The following TIA1 variants were observed in gnomAD, a reference collection of about 807,000 sequenced individuals.
TIA1 encodes the protein TIA1 cytotoxic granule associated RNA binding protein, also known as cytotoxic granule associated RNA binding protein TIA1.
Under a neutral mutation model 65.9 loss-of-function variants are expected in TIA1, and 23 were observed. The ratio of observed to expected loss-of-function variants is 0.35; its 90% CI spans 0.25 to 0.49. The LOEUF is 0.49. TIA1 is among the 20% of genes least tolerant of loss of function. The pLI is 0.98. For missense variants in TIA1, 371 were observed against 477.9 expected (o/e 0.78, Z 2.09); for synonymous variants, 147 against 149.4 (o/e 0.98, Z 0.12).
chr2:70,227,267 G>GTT (rs547641168), intron 6 of TIA1, among the ~76,000 whole-genome samples: 1 of 152,086 alleles, frequency 6.6e-6, no homozygotes, highest in South Asian at 2.1e-4. Context: ...ATTGTTAGCA[G>GTT]TTTTTTTAAA....
At chr2:70,245,549 A>C (rs1030992165) in intron 1 of TIA1, among the ~76,000 whole-genome samples, 1 of 152,214 alleles carries the variant, frequency 6.6e-6, no homozygotes. Context: ...CAGACTCACT[A>C]TACACGTATT....
At chr2:70,226,205 A>T (rs1278560975) in intron 6 of TIA1, among the ~76,000 whole-genome samples, 1 of 152,154 alleles carries the variant, frequency 6.6e-6, no homozygotes, top group Non-Finnish European at 1.5e-5. Flanking sequence ...TCTACAGACT[A>T]AAAATATGAC....
chr2:70,243,260 T>C (rs1484199062), intron 1 of TIA1, among the ~76,000 whole-genome samples: 1 of 152,116 alleles, frequency 6.6e-6, no homozygotes, highest in Non-Finnish European at 1.5e-5. Context: ...ATCGCTTCTC[T>C]ACAAATATTT....
At chr2:70,215,599 G>A (rs971845256) in intron 10 of TIA1, 105 bp from the exon 11 acceptor site, 20 of 1,006,668 alleles carry the variant, frequency 2.0e-5, no homozygotes, top group East Asian at 1.4e-4. Flanking sequence ...AACAGTTTGC[G>A]TAACATGGCA....
At chr2:70,245,914 A>AT (rs199977940) in intron 1 of TIA1, among the ~76,000 whole-genome samples, 2,177 of 124,550 alleles carry the variant, frequency 0.017, 143 homozygotes, top group African/African-American at 0.033. Flanking sequence ...ATTCTACCAG[A>AT]TTTTTTTTTT....
intron 1 of TIA1, among the ~76,000 whole-genome samples, chr2:70,241,526 T>G (rs913252208): frequency 2.6e-5 from 4 of 152,200 alleles, no homozygotes; most frequent in Non-Finnish European, 4.4e-5. Flanking sequence ...CTCCAGGAAG[T>G]GTAACTTAAT....
chr2:70,216,569 A>G, intron 8 of TIA1, 70 bp from the exon 9 acceptor site: 1 of 1,430,602 alleles, frequency 7.0e-7, no homozygotes, highest in Non-Finnish European at 9.7e-7. Context: ...AGTAGCATTC[A>G]CTACACTACT....
Position 70,227,815 on chromosome 2 carries a change from G to A in TIA1, c.318C>T (p.Phe106=), listed in dbSNP as rs770120862. Residue 106 remains phenylalanine, a synonymous_variant, in exon 6 of 13, where the codon TTC becomes TTT. Transcript: ENST00000433529. ...VVSTQRSQDH[F]HVFVGDLSPE... ...GGCTGAGATCACCAACAAAGACATG[G>A]AAATGATCTTATAAGGGGAAGGAAG... 5 of 1,597,580 alleles carry A rather than the reference G, an allele frequency of 3.1e-6. No homozygotes were observed. In the South Asian group the frequency reaches 3.4e-5, roughly 11 times the overall value.
chr2:70,248,589 G>T lies in TIA1; in HGVS notation c.-159C>A, dbSNP rs754753476. ...GGCGGCAATTACACTAAACCGCCCG[G>T]CCCAGCGGGAACAATGAAACCCCAA... On this transcript the variant is annotated 5_prime_UTR_variant, in exon 1 of 13. Transcript: ENST00000433529. The T allele has an allele frequency of 3.9e-6, 4 of 1,031,356 alleles. No individual in the cohort carries two copies. The highest frequency in any genetic ancestry group is 5.2e-5 in the East Asian group (2 of 38,206). 63.9% of individuals were successfully genotyped at this position (1,031,356 alleles called of 1,614,324 possible).
intron 1 of TIA1, among the ~76,000 whole-genome samples, chr2:70,245,474 T>C (rs1003526482): frequency 6.6e-6 from 1 of 152,212 alleles, no homozygotes; most frequent in Non-Finnish European, 1.5e-5. Flanking sequence ...CAGCAATGTT[T>C]TTCTAGTCTA....
intron 1 of TIA1, among the ~76,000 whole-genome samples, chr2:70,244,631 C>A (rs947929255): frequency 2.0e-5 from 3 of 149,030 alleles, no homozygotes; most frequent in Non-Finnish European, 4.4e-5. Flanking sequence ...GTCAGGAGAT[C>A]GAGACCATCC....
In TIA1 at chr2:70,211,817, G is replaced by A. The variant is rs1341467419; in HGVS notation, c.*902C>T. On this transcript the variant is annotated 3_prime_UTR_variant, in exon 13 of 13. Coordinates refer to ENST00000433529, the MANE Select transcript of TIA1 (RefSeq NM_022173.4). ...TGCTAACTGTGCAAAATATTAAATT[G>A]CTAAAACATTTTACATAATGAAATA... 2 of 152,556 alleles carry A rather than the reference G, an allele frequency of 1.3e-5. No individual in the cohort carries two copies. The highest frequency in any genetic ancestry group is 2.4e-5 in the African/African-American group (1 of 41,422). The allele number at this position is 152,556 out of a possible 1,614,324, so 9.5% of individuals were successfully genotyped here. A position where few individuals can be genotyped will look rare whatever the true frequency, so the allele number is the denominator to read the frequency against.
At position 70,211,180 on chromosome 2, in the gene TIA1, T is replaced by TGAGTAAAGGAAGAA. The variant is rs1308156581; in HGVS notation, c.*1538_*1539insTTCTTCCTTTACTC. On this transcript the variant is annotated 3_prime_UTR_variant, in exon 13 of 13. Coordinates refer to ENST00000433529, the MANE Select transcript of TIA1 (RefSeq NM_022173.4). ...TCTTGAGTAAAGGAAGAAGGAGGTT[T>TGAGTAAAGGAAGAA]GTGATCTTCACTGAAAACAAAGTGA... 2.6e-4 allele frequency: 39 copies of TGAGTAAAGGAAGAA among 152,216 alleles called. No homozygotes were observed. Among genetic ancestry groups the TGAGTAAAGGAAGAA allele is most frequent in the African/African-American group, 2.4e-5 (1 of 41,444 alleles). The allele number at this position is 152,216 out of a possible 1,614,324, so 9.4% of individuals were successfully genotyped here. A position where few individuals can be genotyped will look rare whatever the true frequency, so the allele number is the denominator to read the frequency against.
chr2:70,220,048 G>A (rs753744821), intron 7 of TIA1, among the ~76,000 whole-genome samples: 6 of 152,060 alleles, frequency 3.9e-5, no homozygotes, highest in Non-Finnish European at 7.4e-5. Flanking sequence ...GGTCTTTGCC[G>A]AAGTAATTAA....
intron 11 of TIA1, 136 bp downstream of exon 11, chr2:70,215,235 T>C: frequency 9.0e-7 from 1 of 1,107,176 alleles, no homozygotes; most frequent in South Asian, 1.4e-5. Flanking sequence ...ATTCTGGAAC[T>C]ATAATACATG....
intron 1 of TIA1, among the ~76,000 whole-genome samples, chr2:70,247,370 G>C (rs145617858): frequency 6.6e-6 from 1 of 152,288 alleles, no homozygotes; most frequent in African/African-American, 2.4e-5. Flanking sequence ...AACTTTATTA[G>C]AGAGCTGCAA....
At chr2:70,227,949 T>C (rs1684508739) in intron 5 of TIA1, 127 bp from the exon 6 acceptor site, 2 of 584,426 alleles carry the variant, frequency 3.4e-6, no homozygotes, top group Non-Finnish European at 5.9e-6. Flanking sequence ...AATAAAACAC[T>C]ATCCTATATC....
intron 6 of TIA1, chr2:70,225,513 GT>G: frequency 9.6e-7 from 1 of 1,046,792 alleles, no homozygotes; most frequent in Middle Eastern, 2.4e-4. Flanking sequence ...CTGCTTTTAA[GT>G]TAGTCAGGTA....
chr2:70,217,082 TCACAAA>T, intron 7 of TIA1, 88 bp from the exon 8 acceptor site: 1 of 1,355,878 alleles, frequency 7.4e-7, no homozygotes, highest in Non-Finnish European at 9.8e-7. Flanking sequence ...TTGGTGCTTT[TCACAAA>T]TGTTTAAGTG....
Sources: gnomAD v4.1 joint callset for allele counts (sites outside exome capture counted in the v4.1 genomes callset) on GRCh38, gnomAD v4.1.1 for gene constraint, MANE v1.5 for transcripts, NCBI Gene and HGNC (gene_info 2026-07-23, HGNC 2026-07-21) for gene names.